Variants in SCRG1 observed in about 807,000 individuals in gnomAD.
The protein encoded by SCRG1 is scrapie-responsive protein 1.
A neutral mutation model predicts 7.7 loss-of-function variants in SCRG1; 3 were observed. That is an observed-to-expected ratio of 0.39 (90% CI 0.18 to 1.01). SCRG1 has a LOEUF of 1.01. SCRG1 is among the 50% of genes least tolerant of loss of function. The pLI, the probability that SCRG1 is intolerant of heterozygous loss-of-function variation, is 0.36. For synonymous variants in SCRG1, 46 were observed against 41.2 expected, an observed-to-expected ratio of 1.12 and a Z score of -0.44; for missense variants, 110 against 117.2, an observed-to-expected ratio of 0.94 and a Z score of 0.28.
the SCRG1 span, among the ~76,000 whole-genome samples, chr4:173,489,677 C>T: frequency 2.6e-5 from 4 of 152,138 alleles, no homozygotes; most frequent in Non-Finnish European, 5.9e-5. Flanking sequence ...TTCACTTGAA[C>T]TGAGTCAGTG....
intron 2 of SCRG1, among the ~76,000 whole-genome samples, chr4:173,388,846 T>C (rs1240689539): frequency 6.6e-6 from 1 of 152,078 alleles, no homozygotes; most frequent in Admixed American, 6.5e-5. Context: ...TCACATAAAG[T>C]AATATATAAA....
chr4:173,460,944 C>T, the SCRG1 span, among the ~76,000 whole-genome samples: 186 of 152,212 alleles, frequency 1.2e-3, no homozygotes, highest in Non-Finnish European at 2.2e-3. Flanking sequence ...TCCTCATGGC[C>T]GGGGGTGATG....
chr4:173,480,774 A>T, the SCRG1 span, among the ~76,000 whole-genome samples: 15 of 152,022 alleles, frequency 9.9e-5, no homozygotes, highest in East Asian at 2.7e-3. Context: ...ATTTTTTTTT[A>T]AATGTATGCT....
chr4:173,473,983 C>T, the SCRG1 span, among the ~76,000 whole-genome samples: 2 of 152,054 alleles, frequency 1.3e-5, no homozygotes, highest in Non-Finnish European at 2.9e-5. Context: ...AGTTTGAGAC[C>T]AGGCTGGCCA....
At chr4:173,492,479 G>T in the SCRG1 span, among the ~76,000 whole-genome samples, 1 of 152,076 alleles carries the variant, frequency 6.6e-6, no homozygotes, top group Admixed American at 6.5e-5. Flanking sequence ...CACTAATCCA[G>T]ACCTCAGGCA....
chr4:173,408,820 C>T (rs1303592592), upstream of SCRG1, among the ~76,000 whole-genome samples: 1 of 151,646 alleles, frequency 6.6e-6, no homozygotes, highest in African/African-American at 2.4e-5. Context: ...GGTGAAACCC[C>T]GTCTCTACTA....
At chr4:173,507,117 A>C in the SCRG1 span, among the ~76,000 whole-genome samples, 2 of 152,220 alleles carry the variant, frequency 1.3e-5, no homozygotes, top group Admixed American at 6.5e-5. The surrounding 1 kb of genome is among the most constrained non-coding windows in gnomAD (Gnocchi z 4.4). Context: ...GGTGCCATGA[A>C]GGGAAGGCCG....
chr4:173,453,928 A>G, the SCRG1 span, among the ~76,000 whole-genome samples: 1 of 152,088 alleles, frequency 6.6e-6, no homozygotes, highest in Non-Finnish European at 1.5e-5. Context: ...AATACAAAAA[A>G]TTAGCCAGGC....
At chr4:173,513,395 C>G in the SCRG1 span, among the ~76,000 whole-genome samples, 2 of 152,120 alleles carry the variant, frequency 1.3e-5, no homozygotes, top group Admixed American at 6.6e-5. Context: ...ATTACTCCCC[C>G]CTTTTTTATT....
chr4:173,476,059 T>C, the SCRG1 span, among the ~76,000 whole-genome samples: 1 of 151,826 alleles, frequency 6.6e-6, no homozygotes, highest in Admixed American at 6.6e-5. Context: ...ACTATATACA[T>C]TTTAAAATGG....
chr4:173,484,121 C>CAGTATAT, the SCRG1 span, among the ~76,000 whole-genome samples: 1 of 45,862 alleles, frequency 2.2e-5, no homozygotes, highest in Non-Finnish European at 3.9e-5. Flanking sequence ...ATATAATATA[C>CAGTATAT]AATATATAAT....
At chr4:173,397,982 G>A (rs1342176535) in intron 1 of SCRG1, among the ~76,000 whole-genome samples, 2 of 152,240 alleles carry the variant, frequency 1.3e-5, no homozygotes, top group Non-Finnish European at 2.9e-5. Context: ...ATAGTTGGGA[G>A]AGATTAAAAT....
chr4:173,514,721 TAAAC>T, the SCRG1 span, among the ~76,000 whole-genome samples: 4 of 152,144 alleles, frequency 2.6e-5, no homozygotes, highest in Admixed American at 1.3e-4. Context: ...AATATGCAAA[TAAAC>T]AAACAAACTC....
At chr4:173,489,990 C>T in the SCRG1 span, among the ~76,000 whole-genome samples, 1 of 152,220 alleles carries the variant, frequency 6.6e-6, no homozygotes, top group South Asian at 2.1e-4. Context: ...TTACCAGCTG[C>T]AACATCAGTT....
chr4:173,392,589 T>C (rs1739480346), intron 1 of SCRG1, among the ~76,000 whole-genome samples: 1 of 152,230 alleles, frequency 6.6e-6, no homozygotes, highest in African/African-American at 2.4e-5. Flanking sequence ...ATATTAAATA[T>C]CTATCTAATT....
chr4:173,399,191 TTGTC>T (rs1404374793), upstream of SCRG1: 3 of 152,232 alleles, frequency 2.0e-5, no homozygotes, highest in Non-Finnish European at 2.9e-5. Flanking sequence ...AAATGAACCT[TTGTC>T]TGCCTTGTCT....
the SCRG1 span, among the ~76,000 whole-genome samples, chr4:173,470,913 G>A: frequency 6.6e-6 from 1 of 152,128 alleles, no homozygotes; most frequent in Admixed American, 6.5e-5. Flanking sequence ...CAAAGGGCAT[G>A]AATTAAAATG....
the SCRG1 span, among the ~76,000 whole-genome samples, chr4:173,503,663 G>A: frequency 0.012 from 1,850 of 152,276 alleles, 45 homozygotes; most frequent in African/African-American, 0.042. The surrounding 1 kb of genome is among the most constrained non-coding windows in gnomAD (Gnocchi z 6.4). Flanking sequence ...AGGTATAAAG[G>A]AGGAAGTCAA....
chr4:173,475,542 CAG>C, the SCRG1 span, among the ~76,000 whole-genome samples: 1 of 152,160 alleles, frequency 6.6e-6, no homozygotes, highest in Non-Finnish European at 1.5e-5. Context: ...AGCAATTAAA[CAG>C]AGAATTACCA....
Sources: allele counts gnomAD v4.1 joint callset (sites outside exome capture counted in the v4.1 genomes callset), GRCh38; gene constraint gnomAD v4.1.1; non-coding constraint Gnocchi (gnomAD v3.1); transcripts MANE v1.5; gene names NCBI Gene and HGNC (gene_info 2026-07-23, HGNC 2026-07-21).